Variants in NEK11 observed in about 807,000 individuals in gnomAD.
The protein encoded by NEK11 is serine/threonine-protein kinase Nek11.
NEK11 carries 72 observed loss-of-function variants against 80.7 expected under a neutral mutation model. The observed-to-expected ratio is 0.89, with a 90% CI of 0.74 to 1.08. The LOEUF is 1.08. NEK11 is among the 50% of genes least tolerant of loss of function. The pLI is 0.00. For missense variants in NEK11, 764 were observed against 763.6 expected (o/e 1.00, Z -0.01); for synonymous variants, 251 against 260.7 (o/e 0.96, Z 0.36).
chr3:131,036,642 A>T (rs548894854), intron 3 of NEK11, among the ~76,000 whole-genome samples: 1 of 152,304 alleles, frequency 6.6e-6, no homozygotes, highest in Admixed American at 6.5e-5. Context: ...AATCTGAAGA[A>T]TTATTAAGAA....
chr3:131,196,467 T>G (rs1431394612), intron 14 of NEK11, among the ~76,000 whole-genome samples: 1 of 152,066 alleles, frequency 6.6e-6, no homozygotes, highest in Non-Finnish European at 1.5e-5. Context: ...TTTATAATTA[T>G]GAAATAAACC....
intron 9 of NEK11, among the ~76,000 whole-genome samples, chr3:131,153,954 G>A (rs1280552512): frequency 6.6e-6 from 1 of 152,222 alleles, no homozygotes. Flanking sequence ...GAGCCAATGG[G>A]AAGCAACCAG....
chr3:131,150,424 G>A (rs1353146070), intron 7 of NEK11, among the ~76,000 whole-genome samples: 2 of 151,716 alleles, frequency 1.3e-5, no homozygotes, highest in Non-Finnish European at 3.0e-5. Flanking sequence ...ACATGCACAT[G>A]ATGCACATGC....
chr3:131,120,014 T>C (rs1172903061), intron 5 of NEK11, among the ~76,000 whole-genome samples: 4 of 152,240 alleles, frequency 2.6e-5, no homozygotes, highest in Non-Finnish European at 5.9e-5. Flanking sequence ...AATTTGATCC[T>C]GTCATTATGA....
chr3:131,125,390 TA>T (rs1427523496), intron 5 of NEK11, among the ~76,000 whole-genome samples: 1 of 152,206 alleles, frequency 6.6e-6, no homozygotes, highest in Non-Finnish European at 1.5e-5. Flanking sequence ...TTATAATTGA[TA>T]TTTCTGGTTT....
intron 5 of NEK11, among the ~76,000 whole-genome samples, chr3:131,111,223 A>G (rs753119684): frequency 2.3e-4 from 35 of 152,142 alleles, no homozygotes; most frequent in Non-Finnish European, 4.0e-4. Flanking sequence ...GTTAAAATAA[A>G]TGAGTTTAAA....
intron 10 of NEK11, among the ~76,000 whole-genome samples, chr3:131,157,850 A>T (rs2090936106): frequency 6.6e-6 from 1 of 152,138 alleles, no homozygotes; most frequent in African/African-American, 2.4e-5. Context: ...TGGCTGGAGG[A>T]CACCCCTTGA....
chr3:131,209,354 T>G (rs536034781), intron 14 of NEK11, among the ~76,000 whole-genome samples: 5 of 152,332 alleles, frequency 3.3e-5, no homozygotes, highest in Admixed American at 3.3e-4. Flanking sequence ...TAAGCTTTTT[T>G]GATGTGCTGC....
chr3:131,071,880 T>C (rs1207536013), intron 3 of NEK11, among the ~76,000 whole-genome samples: 4 of 152,198 alleles, frequency 2.6e-5, no homozygotes, highest in African/African-American at 9.6e-5. Context: ...AAGTAAGACA[T>C]AGCCCAGTTC....
chr3:131,346,271 T>G (rs1003993319), intron 17 of NEK11, among the ~76,000 whole-genome samples: 1 of 152,190 alleles, frequency 6.6e-6, no homozygotes, highest in South Asian at 2.1e-4. Flanking sequence ...ATTATCTATA[T>G]GTATCCCAAA....
Position 131,083,039 on chromosome 3 carries a change from C to T in NEK11, c.336+2451C>T, listed in dbSNP as rs553478269. Among the ~76,000 whole-genome samples, 10 of 152,330 alleles carry T rather than the reference C, an allele frequency of 6.6e-5. No individual in the cohort carries two copies. The East Asian group carries it at 1.5e-3, about 23-fold the overall frequency. ...GACCCCAGACCAGTATCATCAGCAT[C>T]ACTTGGGAACTTGCTAGAAATACAA... On this transcript the variant is annotated intron_variant, in intron 4 of 17. Coordinates refer to ENST00000383366, the MANE Select transcript of NEK11 (RefSeq NM_024800.5).
At chr3:131,280,940 A>T (rs1392538457) in intron 17 of NEK11, among the ~76,000 whole-genome samples, 5 of 152,184 alleles carry the variant, frequency 3.3e-5, no homozygotes, top group Non-Finnish European at 7.3e-5. Flanking sequence ...CAGGTTTACC[A>T]GTTTGGCAAG....
intron 4 of NEK11, among the ~76,000 whole-genome samples, chr3:131,082,651 C>A (rs2149050973): frequency 6.6e-6 from 1 of 152,276 alleles, no homozygotes; most frequent in South Asian, 2.1e-4. Flanking sequence ...CCGTATTAGA[C>A]ATACATAGTA....
chr3:131,308,186 A>G (rs541496318), intron 17 of NEK11, among the ~76,000 whole-genome samples: 1 of 152,292 alleles, frequency 6.6e-6, no homozygotes, highest in South Asian at 2.1e-4. Flanking sequence ...AATTACTATT[A>G]TTGATATTCT....
chr3:131,111,629 GGTCATGAGAGCAAGCTCTC>G (rs1314003179), intron 5 of NEK11, among the ~76,000 whole-genome samples: 3 of 152,098 alleles, frequency 2.0e-5, no homozygotes, highest in African/African-American at 7.2e-5. Flanking sequence ...TGAGCAAGCT[GGTCATGAGAGCAAGCTCTC>G]CTCTCTGAAC....
At chr3:131,104,929 C>G (rs552239057) in intron 4 of NEK11, among the ~76,000 whole-genome samples, 1 of 152,308 alleles carries the variant, frequency 6.6e-6, no homozygotes, top group South Asian at 2.1e-4. Flanking sequence ...CAGCTGGGAG[C>G]CTCCTCTGGC....
chr3:131,340,875 T>C (rs1210508360), intron 17 of NEK11, among the ~76,000 whole-genome samples: 1 of 152,198 alleles, frequency 6.6e-6, no homozygotes, highest in African/African-American at 2.4e-5. Flanking sequence ...TAAAAGGCTT[T>C]TGTTTCTTGA....
chr3:131,072,212 TG>T (rs2073496839), intron 3 of NEK11: 1 of 152,244 alleles, frequency 6.6e-6, no homozygotes, highest in South Asian at 2.1e-4. Flanking sequence ...TCAGGGACGT[TG>T]GGGCCTTCTC....
At chr3:131,334,345 A>C (rs2097145403) in intron 17 of NEK11, among the ~76,000 whole-genome samples, 1 of 152,152 alleles carries the variant, frequency 6.6e-6, no homozygotes, top group Non-Finnish European at 1.5e-5. Context: ...ATGGAAACTG[A>C]ACAACCTGCT....
Sources: allele counts gnomAD v4.1 joint callset (sites outside exome capture counted in the v4.1 genomes callset), GRCh38; gene constraint gnomAD v4.1.1; transcripts MANE v1.5; gene names NCBI Gene and HGNC (gene_info 2026-07-23, HGNC 2026-07-21).